Variants in CARNMT1 observed in about 807,000 individuals in gnomAD.
CARNMT1 encodes the protein carnosine N-methyltransferase 1, also known as protein-L-histidine N-pros-methyltransferase CARNMT1.
In CARNMT1, 28 loss-of-function variants were observed where a neutral mutation model predicts 49.6. The ratio of observed to expected loss-of-function variants is 0.56; its 90% CI spans 0.42 to 0.77. The LOEUF is 0.77. CARNMT1 is among the 30% of genes least tolerant of loss of function. The probability of loss-of-function intolerance (pLI) is 0.00; values close to 1 mark genes in which losing one functional copy is unlikely to be tolerated. For synonymous variants in CARNMT1, 178 were observed against 175.0 expected (o/e 1.02, Z -0.13); for missense variants, 421 against 512.6 (o/e 0.82, Z 1.73).
intron 3 of CARNMT1, among the ~76,000 whole-genome samples, chr9:75,009,451 T>G (rs1833620375): frequency 6.6e-6 from 1 of 152,102 alleles, no homozygotes; most frequent in Admixed American, 6.6e-5. Context: ...AAGTATTTCT[T>G]AATGTTGCAA....
chr9:74,996,624 T>C (rs1030832894), intron 5 of CARNMT1, 64 bp from the exon 6 acceptor site: 39 of 885,198 alleles, frequency 4.4e-5, no homozygotes, highest in Non-Finnish European at 6.8e-5. Context: ...TTTAATTAAT[T>C]ATTTAAATCT....
At chr9:75,014,682 T>C (rs972377836) in intron 3 of CARNMT1, among the ~76,000 whole-genome samples, 1 of 152,124 alleles carries the variant, frequency 6.6e-6, no homozygotes, top group African/African-American at 2.4e-5. Context: ...TTTAAAGTTA[T>C]TTCAAAATAG....
intron 3 of CARNMT1, among the ~76,000 whole-genome samples, chr9:75,004,698 A>T (rs1303931580): frequency 5.9e-5 from 9 of 152,214 alleles, no homozygotes; most frequent in Non-Finnish European, 1.3e-4. Flanking sequence ...TGGAAAAAAA[A>T]TGCTTCGTTA....
At chr9:75,020,187 A>G (rs1359559849) in intron 1 of CARNMT1, among the ~76,000 whole-genome samples, 1 of 151,750 alleles carries the variant, frequency 6.6e-6, no homozygotes, top group Non-Finnish European at 1.5e-5. Context: ...ATGTATGTGT[A>G]TATGTTTAAA....
intron 6 of CARNMT1, among the ~76,000 whole-genome samples, chr9:74,986,029 G>A (rs756843426): frequency 1.3e-5 from 2 of 152,116 alleles, no homozygotes; most frequent in Admixed American, 1.3e-4. Flanking sequence ...ATGATTTAAA[G>A]CATGATTTTC....
intron 6 of CARNMT1, among the ~76,000 whole-genome samples, chr9:74,988,216 T>C (rs1295802223): frequency 6.6e-6 from 1 of 152,124 alleles, no homozygotes; most frequent in African/African-American, 2.4e-5. Flanking sequence ...CACACGCAGC[T>C]TTCTTCATAT....
intron 6 of CARNMT1, among the ~76,000 whole-genome samples, chr9:74,988,598 T>C (rs190323048): frequency 1.3e-5 from 2 of 152,366 alleles, no homozygotes; most frequent in East Asian, 3.9e-4. Flanking sequence ...CGCCCATATC[T>C]GATTATTTGC....
chr9:74,994,952 C>T (rs1161844298), intron 6 of CARNMT1, among the ~76,000 whole-genome samples: 2 of 152,098 alleles, frequency 1.3e-5, no homozygotes, highest in East Asian at 1.9e-4. Flanking sequence ...CACTATAGTA[C>T]ATCTACTCTT....
chr9:75,009,043 A>G (rs1248479069), intron 3 of CARNMT1, among the ~76,000 whole-genome samples: 1 of 150,980 alleles, frequency 6.6e-6, no homozygotes, highest in Non-Finnish European at 1.5e-5. Context: ...AAGACCATTC[A>G]ATCGGGAAAG....
intron 3 of CARNMT1, 80 bp downstream of exon 3, chr9:75,016,188 C>CGA: frequency 9.3e-7 from 1 of 1,080,546 alleles, no homozygotes; most frequent in Non-Finnish European, 1.4e-6. Flanking sequence ...AACAATGAAG[C>CGA]GAGACTGTGA....
At chr9:75,000,414 A>T (rs1414518594) in intron 3 of CARNMT1, among the ~76,000 whole-genome samples, 1 of 152,104 alleles carries the variant, frequency 6.6e-6, no homozygotes, top group Non-Finnish European at 1.5e-5. Flanking sequence ...CATGGGGAAA[A>T]TGGGAAACGG....
At chr9:74,986,391 G>T (rs1326851542) in intron 6 of CARNMT1, among the ~76,000 whole-genome samples, 1 of 152,092 alleles carries the variant, frequency 6.6e-6, no homozygotes, top group Non-Finnish European at 1.5e-5. Context: ...ACTTACAAAA[G>T]ATAACAATGG....
In CARNMT1 at chr9:75,016,269, ATC is replaced by A; in HGVS notation, c.587_588del (p.Arg196MetfsTer5). 1 of 1,610,916 alleles carries A rather than the reference ATC, an allele frequency of 6.2e-7. No homozygotes were observed. The highest frequency in any genetic ancestry group is 8.5e-7 in the Non-Finnish European group (1 of 1,178,178). On this transcript the variant is annotated frameshift_variant and splice_region_variant, in exon 3 of 8. Transcript: ENST00000376834. LOFTEE classifies it high-confidence loss of function. ...KEILKNFPKE[R>X]WDPSKVNILV... The stretch of plus-strand genomic sequence containing the variant: ...GGTTAAAAATGAGGTACTATTTACC[ATC>A]TCTCTTTTGGAAAATTTTTTAAAAT...
Position 75,018,692 on chromosome 9 carries a change from G to A in CARNMT1, c.231-1244C>T, listed in dbSNP as rs140341685. ...TGTTAGAGATAAGAAACAGGTGGGC[G>A]CAGTGGCTCATCCCTGTAATCCCTT... On this transcript the variant is annotated intron_variant, in intron 1 of 7. Transcript: ENST00000376834. Among the ~76,000 whole-genome samples, 1,068 of 152,272 alleles carry A rather than the reference G, an allele frequency of 7.0e-3. 12 individuals are homozygous for A. The highest frequency in any genetic ancestry group is 0.024 in the African/African-American group (1,015 of 41,560).
chr9:74,983,726 T>C lies in CARNMT1; in HGVS notation c.*41A>G, dbSNP rs1832745170. On this transcript the variant is annotated 3_prime_UTR_variant, in exon 8 of 8. Coordinates refer to ENST00000376834, the MANE Select transcript of CARNMT1 (RefSeq NM_152420.3). ...TTTGAGTCGTTGATTTCAGCATTTGTTCTTACTAAACTTTTTTCCAGGTGG... is the reference window on the plus strand; with the variant it reads ...TTTGAGTCGTTGATTTCAGCATTTGCTCTTACTAAACTTTTTTCCAGGTGG... 1 of 1,224,582 alleles carries C rather than the reference T, an allele frequency of 8.2e-7. No individual in the cohort carries two copies. 75.9% of individuals were successfully genotyped at this position (1,224,582 alleles called of 1,614,324 possible). A position where few individuals can be genotyped will look rare whatever the true frequency, so the allele number is the denominator to read the frequency against.
chr9:74,998,410 G>A (rs992662305), intron 5 of CARNMT1, among the ~76,000 whole-genome samples, 188 bp downstream of exon 5: 2 of 152,060 alleles, frequency 1.3e-5, no homozygotes, highest in Non-Finnish European at 2.9e-5. Flanking sequence ...CTTGACTGTA[G>A]ATATCTTACA....
At chr9:74,987,330 T>C (rs568455267) in intron 6 of CARNMT1, among the ~76,000 whole-genome samples, 5 of 152,316 alleles carry the variant, frequency 3.3e-5, no homozygotes, top group Non-Finnish European at 5.9e-5. Context: ...CAAAGATTTA[T>C]ACTCATATTT....
In CARNMT1 at chr9:74,989,816, T is replaced by C. The variant is rs372829289; in HGVS notation, c.1025-4806A>G. The stretch of plus-strand genomic sequence containing the variant: ...AACAGCACAGAGAAACAAGGAATCA[T>C]GAACAAGAACCAAGAAAAGCAAGAG... On this transcript the variant is annotated intron_variant, in intron 6 of 7. Coordinates refer to ENST00000376834, the MANE Select transcript of CARNMT1 (RefSeq NM_152420.3). Among the ~76,000 whole-genome samples, 4 of 152,248 alleles carry C rather than the reference T, an allele frequency of 2.6e-5. No homozygotes were observed. The East Asian group carries it at 7.7e-4, about 29-fold the overall frequency.
At chr9:75,018,035 T>C (rs11791542) in intron 1 of CARNMT1, among the ~76,000 whole-genome samples, 7,374 of 151,954 alleles carry the variant, frequency 0.049, 232 homozygotes, top group Middle Eastern at 0.092. Flanking sequence ...AACCAGAAAA[T>C]AGAACATAAT....
Sources: gnomAD v4.1 joint callset for allele counts (sites outside exome capture counted in the v4.1 genomes callset) on GRCh38, gnomAD v4.1.1 for gene constraint, MANE v1.5 for transcripts, NCBI Gene and HGNC (gene_info 2026-07-23, HGNC 2026-07-21) for gene names.